The following LYST variants were observed in gnomAD, a reference collection of about 807,000 sequenced individuals.
LYST encodes lysosomal-trafficking regulator.
In LYST, 192 loss-of-function variants were observed where a neutral mutation model predicts 413.6. The ratio of observed to expected loss-of-function variants is 0.46; its 90% CI spans 0.41 to 0.52. LYST has a LOEUF of 0.52. LYST is among the 20% of genes least tolerant of loss of function. LYST has a pLI of 0.00. For missense variants in LYST, 3,815 were observed against 4,499.9 expected, an observed-to-expected ratio of 0.85 and a Z score of 4.35; for synonymous variants, 1,525 against 1,567.3, an observed-to-expected ratio of 0.97 and a Z score of 0.64.
chr1:235,727,251 T>C (rs1349368375), intron 38 of LYST, among the ~76,000 whole-genome samples: 1 of 151,268 alleles, frequency 6.6e-6, no homozygotes, highest in African/African-American at 2.4e-5. Context: ...GCCTCCCGAG[T>C]AGCTGGGATT....
intron 27 of LYST, 109 bp from the exon 28 acceptor site, chr1:235,751,471 T>G (rs1423873742): frequency 8.9e-6 from 9 of 1,010,716 alleles, no homozygotes; most frequent in Middle Eastern, 5.2e-4. Context: ...ATTTTTAAAT[T>G]TTGATCAGCA....
intron 43 of LYST, among the ~76,000 whole-genome samples, chr1:235,711,175 T>C (rs192508797): frequency 1.3e-5 from 2 of 152,208 alleles, no homozygotes; most frequent in South Asian, 2.1e-4. Context: ...CAGCCACAGA[T>C]AGCTAGAACA....
chr1:235,826,131 C>A (rs977764489), intron 3 of LYST, among the ~76,000 whole-genome samples: 1 of 152,142 alleles, frequency 6.6e-6, no homozygotes, highest in Non-Finnish European at 1.5e-5. Flanking sequence ...CAAAGACTGG[C>A]AATATCAAAT....
Position 235,806,723 on chromosome 1 carries a change from C to T in LYST, c.2413G>A (p.Glu805Lys), listed in dbSNP as rs762160809. The T allele has an allele frequency of 1.6e-5, 25 of 1,612,866 alleles. No homozygotes were observed. Among genetic ancestry groups the T allele is most frequent in the South Asian group, 3.3e-5 (3 of 91,050 alleles). Residue 805 changes from glutamate to lysine, a missense_variant, in exon 6 of 53, where the codon GAA (glutamate) becomes AAA (lysine). Around this residue, in one of 4 missense-constraint regions of LYST, gnomAD observed 1,648 missense variants for 1,810.3 expected, o/e 0.91. Transcript: ENST00000389793. ...CGAATACCATTTAAGCAATTTAATT[C>T]GATTATTTGACTTACTCCATTACAA... is the stretch of plus-strand genomic sequence containing the variant. ...LSCNGVSQIIELNCLNGIRSH... is the reference protein window; with the variant it reads ...LSCNGVSQIIKLNCLNGIRSH...
At chr1:235,802,078 T>C (rs187733808) in intron 8 of LYST, among the ~76,000 whole-genome samples, 2 of 150,500 alleles carry the variant, frequency 1.3e-5, no homozygotes, top group African/African-American at 2.4e-5. Flanking sequence ...CCTGAAATCC[T>C]AGCTACTTGG....
At chr1:235,738,583 A>C in intron 31 of LYST, 3 of 1,610,112 alleles carry the variant, frequency 1.9e-6, no homozygotes, top group Non-Finnish European at 2.5e-6. Context: ...GAACATGGAG[A>C]TTCTAGTGTG....
At chr1:235,878,702 T>G (rs927127007) in intron 1 of LYST, among the ~76,000 whole-genome samples, 2 of 152,204 alleles carry the variant, frequency 1.3e-5, no homozygotes, top group African/African-American at 4.8e-5. Context: ...GGAACTCAGC[T>G]GCTGACTGAT....
At chr1:235,665,895 GC>G (rs1199653156) in intron 50 of LYST, among the ~76,000 whole-genome samples, 11 of 152,188 alleles carry the variant, frequency 7.2e-5, no homozygotes, top group African/African-American at 2.6e-4. Context: ...GATATGTCCA[GC>G]CTTCTCTGGG....
Position 235,809,493 on chromosome 1 carries a change from A to G in LYST, c.1325T>C (p.Phe442Ser). The G allele has an allele frequency of 6.2e-7, 1 of 1,614,072 alleles. No individual in the cohort carries two copies. The highest frequency in any genetic ancestry group is 1.1e-5 in the South Asian group (1 of 91,082). The change falls in exon 5 of 53, where the codon TTT becomes TCT. Residue 442 changes from phenylalanine to serine, a missense_variant. By Grantham distance (155) the Phe-to-Ser change is radical. Transcript: ENST00000389793. This position sits in a 1 kb window ranked among gnomAD's most constrained non-coding sequence, Gnocchi z 4.0. ...AAGAACTGCTGTTTCAAATAAATTA[A>G]ATCCATGATGCTGAATGAATTCTTG... ...LVQEFIQHHG[F>S]NLFETAVLQM... is the part of the protein sequence containing the mutation.
chr1:235,766,265 CCT>C lies in LYST; in HGVS notation c.5933_5934del (p.Glu1978GlyfsTer12). On this transcript the variant is annotated frameshift_variant, in exon 21 of 53. Coordinates refer to ENST00000389793, the MANE Select transcript of LYST (RefSeq NM_000081.4). LOFTEE classifies it high-confidence loss of function. ...LTCQVLQEYK[E>X]GQLTPMPREV... ...TCTCGGGGCATGGGTGTGAGTTGCC[CCT>C]CTTTGTATTCCTGAAAAAATAAAAA... 6.2e-7 allele frequency: 1 copy of C among 1,605,898 alleles called. No individual in the cohort carries two copies.
At chr1:235,855,768 T>C (rs1679105315) in intron 1 of LYST, among the ~76,000 whole-genome samples, 1 of 152,174 alleles carries the variant, frequency 6.6e-6, no homozygotes. Flanking sequence ...TGAACACAGA[T>C]ATTTATAAGC....
chr1:235,786,651 A>G (rs1670442144), intron 14 of LYST, among the ~76,000 whole-genome samples: 1 of 152,134 alleles, frequency 6.6e-6, no homozygotes, highest in African/African-American at 2.4e-5. Flanking sequence ...AACCAACCCA[A>G]ATGTCCATCA....
rs747418238 is a variant in LYST at position 235,687,092 on chromosome 1, GAAACTT to G, written c.10702-51_10702-46del. 3 of 1,253,084 alleles carry G rather than the reference GAAACTT, an allele frequency of 2.4e-6. No homozygotes were observed. The Admixed American group carries it at 5.1e-5, about 21-fold the overall frequency. The allele number at this position is 1,253,084 out of a possible 1,614,324, so 77.6% of individuals were successfully genotyped here. A position where few individuals can be genotyped will look rare whatever the true frequency, so the allele number is the denominator to read the frequency against. The stretch of plus-strand genomic sequence containing the variant: ...AAAGATTATCATGTTTTAAAAGAAT[GAAACTT>G]AAAGTATAATAAAAATAAAATAAAA... On this transcript the variant is annotated intron_variant, in intron 47 of 52. Coordinates refer to ENST00000389793, the MANE Select transcript of LYST (RefSeq NM_000081.4).
chr1:235,732,435 T>C (rs1664465874), intron 34 of LYST, among the ~76,000 whole-genome samples: 1 of 152,180 alleles, frequency 6.6e-6, no homozygotes, highest in Non-Finnish European at 1.5e-5. Flanking sequence ...CCCAAAGTAC[T>C]AGACTACAGG....
rs772560535 is a variant in LYST, at chr1:235,808,843, A to C, written c.1975T>G (p.Cys659Gly). 1.2e-6 allele frequency: 2 copies of C among 1,614,054 alleles called. No homozygotes were observed. The highest frequency in any genetic ancestry group is 1.7e-6 in the Non-Finnish European group (2 of 1,179,996). The change falls in exon 5 of 53, where the codon TGT becomes GGT. Residue 659 changes from cysteine (C) to glycine (G), a missense_variant. Physicochemically the swap from Cys to Gly is radical, Grantham distance 159. This residue lies in a region of LYST where 1,648 missense variants were observed against 1,810.3 expected (regional missense o/e 0.91). Coordinates refer to ENST00000389793, the MANE Select transcript of LYST (RefSeq NM_000081.4). ...AAACTTGAGGAGAGTTCAGCATCACATAAGTTTCCCTGCAGTGTCTCTTCT... is the reference window on the plus strand; with the variant it reads ...AAACTTGAGGAGAGTTCAGCATCACCTAAGTTTCCCTGCAGTGTCTCTTCT... ...QLEETLQGNLCDAELSSSLSS... is the reference protein window; with the variant it reads ...QLEETLQGNLGDAELSSSLSS...
chr1:235,866,236 G>A (rs1302332494), intron 1 of LYST, among the ~76,000 whole-genome samples: 2 of 152,178 alleles, frequency 1.3e-5, no homozygotes, highest in Non-Finnish European at 2.9e-5. Context: ...GACGGCAGAT[G>A]TCTCAGGGGA....
In LYST at chr1:235,759,304, G is replaced by A. The variant is rs1297347645; in HGVS notation, c.6549C>T (p.Ala2183=). Residue 2183 remains alanine, a synonymous_variant, in exon 23 of 53, where the codon GCC becomes GCT. Coordinates refer to ENST00000389793, the MANE Select transcript of LYST (RefSeq NM_000081.4). ...TVCEMEAVLS[A]QVSVSDVPKG... is the part of the protein sequence containing the mutation. ...TTGGGACATCACTGACAGAGACCTGGGCTGAGAGGACAGCTTCCATTTCAC... is the reference window on the plus strand; with the variant it reads ...TTGGGACATCACTGACAGAGACCTGAGCTGAGAGGACAGCTTCCATTTCAC... 3 of 1,614,098 alleles carry A rather than the reference G, an allele frequency of 1.9e-6. No individual in the cohort carries two copies. The Admixed American group carries it at 5.0e-5, about 27-fold the overall frequency.
rs532888072 is a variant in LYST, at chr1:235,715,414, A to G, written c.9628-57T>C. ...GATTGTGGGCTCCAGGCAACGCTAG[A>G]AAAGTGCTGGATGTTTTTTTTTCTC... On this transcript the variant is annotated intron_variant, in intron 41 of 52. Transcript: ENST00000389793. 2.6e-6 allele frequency: 4 copies of G among 1,557,350 alleles called. No individual in the cohort carries two copies. In the African/African-American group the frequency reaches 5.4e-5, roughly 21 times the overall value.
At chr1:235,724,937 G>A (rs1437923203) in intron 38 of LYST, among the ~76,000 whole-genome samples, 1 of 152,198 alleles carries the variant, frequency 6.6e-6, no homozygotes, top group Admixed American at 6.5e-5. Flanking sequence ...TTGCTCTGTT[G>A]TATGTGTCTG....
Sources: allele counts gnomAD v4.1 joint callset (sites outside exome capture counted in the v4.1 genomes callset), GRCh38; gene constraint gnomAD v4.1.1; regional missense constraint gnomAD v4.1.1; non-coding constraint Gnocchi (gnomAD v3.1); transcripts MANE v1.5; gene names NCBI Gene and HGNC (gene_info 2026-07-23, HGNC 2026-07-21).